LAPTM4B: variants seen among roughly 807,000 people sequenced by gnomAD.
The protein encoded by LAPTM4B is lysosomal protein transmembrane 4 beta, also known as lysosomal-associated transmembrane protein 4B.
LAPTM4B carries 26 observed loss-of-function variants against 28.5 expected under a neutral mutation model. The observed-to-expected ratio is 0.91, with a 90% CI of 0.67 to 1.27. LAPTM4B has a LOEUF of 1.27. Ranked by LOEUF, LAPTM4B falls within the 50% of genes most tolerant of loss-of-function variation. LAPTM4B has a pLI of 0.00. For synonymous variants in LAPTM4B, 109 were observed against 106.4 expected (o/e 1.02, Z -0.15); for missense variants, 288 against 285.8 (o/e 1.01, Z -0.06).
At position 97,775,820 on chromosome 8, in the gene LAPTM4B, G is replaced by C. The variant is rs1372560863; in HGVS notation, c.-190G>C. On this transcript the variant is annotated 5_prime_UTR_variant, in exon 1 of 7. Coordinates refer to ENST00000521545, the MANE Select transcript of LAPTM4B (RefSeq NM_018407.6). ...CCGCTGCAGCGGTCGCCTTCGGAGC[G>C]AAGGGTACCGACCCGGCAGAAGCTC... is the stretch of plus-strand genomic sequence containing the variant. The C allele has an allele frequency of 6.4e-7, 1 of 1,560,394 alleles. No individual in the cohort carries two copies. Among genetic ancestry groups the C allele is most frequent in the Non-Finnish European group, 8.6e-7 (1 of 1,159,626 alleles).
At chr8:97,829,219 T>C (rs985394617) in intron 6 of LAPTM4B, among the ~76,000 whole-genome samples, 2 of 152,092 alleles carry the variant, frequency 1.3e-5, no homozygotes, top group Non-Finnish European at 1.5e-5. Context: ...AAGAAAGCGC[T>C]TGGTATCTAC....
chr8:97,803,253 A>G (rs1049221917), intron 1 of LAPTM4B, among the ~76,000 whole-genome samples: 7 of 151,816 alleles, frequency 4.6e-5, no homozygotes, highest in African/African-American at 1.5e-4. Flanking sequence ...GAAATAACCA[A>G]TTGGGATTGT....
chr8:97,851,301 A>C (rs1182190947), intron 6 of LAPTM4B, 96 bp from the exon 7 acceptor site: 8 of 945,420 alleles, frequency 8.5e-6, no homozygotes, highest in Non-Finnish European at 1.4e-5. Flanking sequence ...AAGTTGTGGA[A>C]CATGTTTAGT....
intron 1 of LAPTM4B, among the ~76,000 whole-genome samples, chr8:97,797,990 A>G (rs1229750733): frequency 6.6e-6 from 1 of 151,382 alleles, no homozygotes; most frequent in East Asian, 1.9e-4. Context: ...GACAATGAAA[A>G]CCCAAATATA....
At chr8:97,808,088 T>G (rs1472047828) in intron 2 of LAPTM4B, among the ~76,000 whole-genome samples, 1 of 151,526 alleles carries the variant, frequency 6.6e-6, no homozygotes, top group Middle Eastern at 3.4e-3. Flanking sequence ...CCCAAAGTGC[T>G]GGGATTATAG....
intron 1 of LAPTM4B, among the ~76,000 whole-genome samples, chr8:97,782,208 C>T (rs546615687): frequency 8.0e-5 from 12 of 149,710 alleles, no homozygotes; most frequent in South Asian, 6.4e-4. Flanking sequence ...CTCGAACTCC[C>T]GACCTCTGGT....
chr8:97,829,820 C>T (rs994148024), intron 6 of LAPTM4B, among the ~76,000 whole-genome samples: 15 of 152,038 alleles, frequency 9.9e-5, no homozygotes, highest in African/African-American at 3.6e-4. Flanking sequence ...CCTCAGCCTC[C>T]TGAGTAGCTG....
intron 1 of LAPTM4B, among the ~76,000 whole-genome samples, chr8:97,783,305 G>A (rs1816352308): frequency 6.6e-6 from 1 of 151,522 alleles, no homozygotes; most frequent in Non-Finnish European, 1.5e-5. Context: ...TATACTTTAA[G>A]TTCTGGGATA....
intron 6 of LAPTM4B, among the ~76,000 whole-genome samples, chr8:97,845,064 C>T (rs537974496): frequency 2.6e-5 from 4 of 152,284 alleles, no homozygotes; most frequent in Admixed American, 2.6e-4. Flanking sequence ...TCTGTACTTA[C>T]CTTCATATTT....
intron 2 of LAPTM4B, among the ~76,000 whole-genome samples, chr8:97,808,376 G>A (rs1002060677): frequency 6.6e-5 from 10 of 151,838 alleles, no homozygotes; most frequent in African/African-American, 2.2e-4. Context: ...GAACCTGGGA[G>A]GGGGGAGTTT....
chr8:97,818,751 G>C (rs1266537724), intron 4 of LAPTM4B, among the ~76,000 whole-genome samples: 1 of 151,980 alleles, frequency 6.6e-6, no homozygotes, highest in African/African-American at 2.4e-5. Flanking sequence ...CGGGCGGCTG[G>C]AGTGCAGTGG....
chr8:97,814,328 G>A (rs372507932), intron 2 of LAPTM4B, among the ~76,000 whole-genome samples: 4 of 152,226 alleles, frequency 2.6e-5, no homozygotes, highest in African/African-American at 9.6e-5. Context: ...TGGCCAACAT[G>A]GTGAAACCCC....
chr8:97,849,207 C>T (rs1207948301), intron 6 of LAPTM4B, among the ~76,000 whole-genome samples: 2 of 152,200 alleles, frequency 1.3e-5, no homozygotes, highest in African/African-American at 2.4e-5. Flanking sequence ...ACTGAGAGGC[C>T]TTCCTTGACT....
At chr8:97,789,038 CTTTA>C (rs71570264) in intron 1 of LAPTM4B, among the ~76,000 whole-genome samples, 26,178 of 140,356 alleles carry the variant, frequency 0.19, 2,810 homozygotes, top group South Asian at 0.25. Flanking sequence ...GGTGCTCACT[CTTTA>C]TTTATTTATT....
intron 6 of LAPTM4B, among the ~76,000 whole-genome samples, chr8:97,846,606 C>T (rs1031369765): frequency 5.3e-5 from 8 of 152,082 alleles, no homozygotes; most frequent in African/African-American, 1.2e-4. Flanking sequence ...GAATTACAGG[C>T]GTGAGCCACT....
intron 6 of LAPTM4B, among the ~76,000 whole-genome samples, chr8:97,825,497 G>C (rs140082463): frequency 1.3e-5 from 2 of 152,158 alleles, no homozygotes; most frequent in African/African-American, 4.8e-5. Context: ...TGCATTGTAT[G>C]ACATTATATT....
At chr8:97,809,926 A>C (rs972084057) in intron 2 of LAPTM4B, among the ~76,000 whole-genome samples, 2 of 152,040 alleles carry the variant, frequency 1.3e-5, no homozygotes, top group African/African-American at 4.8e-5. Context: ...TAAGAAAATG[A>C]GTTTAAAAAT....
chr8:97,778,376 C>A (rs905592093), intron 1 of LAPTM4B, among the ~76,000 whole-genome samples: 2 of 151,082 alleles, frequency 1.3e-5, no homozygotes, highest in African/African-American at 4.9e-5. Flanking sequence ...GATACCCTAC[C>A]TTGTTTTAAC....
At chr8:97,824,982 T>C in intron 5 of LAPTM4B, 76 bp from the exon 6 acceptor site, 2 of 787,458 alleles carry the variant, frequency 2.5e-6, no homozygotes, top group Admixed American at 2.0e-5. Flanking sequence ...TTTTATAATA[T>C]GGCTTTATCT....
Sources: gnomAD v4.1 joint callset for allele counts (sites outside exome capture counted in the v4.1 genomes callset) on GRCh38, gnomAD v4.1.1 for gene constraint, MANE v1.5 for transcripts, NCBI Gene and HGNC (gene_info 2026-07-23, HGNC 2026-07-21) for gene names.